Variants in DNM3 observed in about 807,000 individuals in gnomAD.
DNM3 encodes the protein dynamin-3.
A neutral mutation model predicts 101.6 loss-of-function variants in DNM3; 47 were observed. The ratio of observed to expected loss-of-function variants is 0.46; its 90% CI spans 0.37 to 0.59. The LOEUF is 0.59. DNM3 is among the 20% of genes least tolerant of loss of function. DNM3 has a pLI of 0.00. For synonymous variants in DNM3, 385 were observed against 387.9 expected (o/e 0.99, Z 0.09); for missense variants, 849 against 1,085.7 (o/e 0.78, Z 3.06).
intron 4 of DNM3, among the ~76,000 whole-genome samples, chr1:171,990,609 C>A (rs2125627325): frequency 6.6e-6 from 1 of 152,204 alleles, no homozygotes; most frequent in East Asian, 1.9e-4. Context: ...CCCTCTGGTT[C>A]AACCTCTTTT....
At chr1:171,915,308 T>C (rs781616372) in intron 1 of DNM3, among the ~76,000 whole-genome samples, 16 of 152,220 alleles carry the variant, frequency 1.1e-4, no homozygotes, top group Admixed American at 2.0e-4. Context: ...AATGATGTGA[T>C]AGAACTTACA....
At chr1:172,106,847 C>CTTTTTTTTTTTTTTTTTTCTTTTTT (rs2055064703) in intron 13 of DNM3, among the ~76,000 whole-genome samples, 1 of 67,958 alleles carries the variant, frequency 1.5e-5, no homozygotes, top group African/African-American at 6.3e-5. Flanking sequence ...TAACATTATT[C>CTTTTTTTTTTTTTTTTTTCTTTTTT]TTTTTTTTTT....
At chr1:172,026,425 G>A (rs1448816489) in intron 4 of DNM3, among the ~76,000 whole-genome samples, 1 of 152,048 alleles carries the variant, frequency 6.6e-6, no homozygotes, top group African/African-American at 2.4e-5. Context: ...TAGCAAGACA[G>A]GCCAACAGTC....
intron 1 of DNM3, among the ~76,000 whole-genome samples, chr1:171,867,730 A>G (rs2034896918): frequency 6.6e-6 from 1 of 152,228 alleles, no homozygotes. Context: ...TGAGTGTCAA[A>G]GAACATCCCC....
intron 17 of DNM3, among the ~76,000 whole-genome samples, chr1:172,323,862 T>A (rs1410983496): frequency 6.6e-6 from 1 of 152,116 alleles, no homozygotes; most frequent in Non-Finnish European, 1.5e-5. Flanking sequence ...GGGGTCAACA[T>A]TTCACTTGGC....
intron 14 of DNM3, chr1:172,132,913 C>A: frequency 8.2e-7 from 1 of 1,221,606 alleles, no homozygotes; most frequent in Middle Eastern, 1.9e-4. Context: ...GCGAGGATAA[C>A]CAACTTACCA....
At chr1:171,962,251 T>G (rs1333338680) in intron 2 of DNM3, among the ~76,000 whole-genome samples, 1 of 152,220 alleles carries the variant, frequency 6.6e-6, no homozygotes, top group Non-Finnish European at 1.5e-5. Context: ...AGGGATTAAG[T>G]GTCTAACACA....
At chr1:172,253,427 C>T (rs1435312301) in intron 14 of DNM3, 146 bp from the exon 15 acceptor site, 1 of 597,462 alleles carries the variant, frequency 1.7e-6, no homozygotes, top group Non-Finnish European at 2.9e-6. Context: ...AAGTGTTAGC[C>T]AACTCAGGTG....
At chr1:172,417,136 G>GT (rs1342870715), downstream of DNM3, among the ~76,000 whole-genome samples, 6 of 151,966 alleles carry the variant, frequency 3.9e-5, no homozygotes, top group Non-Finnish European at 8.8e-5. Context: ...AATAAGATGT[G>GT]TAACAAGAAT....
At chr1:172,196,041 G>T (rs899579027) in intron 14 of DNM3, among the ~76,000 whole-genome samples, 2 of 151,002 alleles carry the variant, frequency 1.3e-5, no homozygotes, top group South Asian at 2.1e-4. Flanking sequence ...TATCTTTTTT[G>T]CTCATCTCCC....
rs191468746 is a variant in DNM3, at chr1:172,306,991, C to G, written c.1770-1737C>G. ...GGCAAGGACTTCATGTCTAAAACAC[C>G]AAAAGCAACCACAACAAAAGCCAAA... On this transcript the variant is annotated intron_variant, in intron 15 of 20. Coordinates refer to ENST00000627582, the MANE Select transcript of DNM3 (RefSeq NM_015569.5). Among the ~76,000 whole-genome samples, 732 of 152,196 alleles carry G rather than the reference C, an allele frequency of 4.8e-3. 4 individuals are homozygous for G. Among genetic ancestry groups the G allele is most frequent in the African/African-American group, 0.017 (691 of 41,516 alleles).
intron 2 of DNM3, among the ~76,000 whole-genome samples, chr1:171,951,658 C>T: frequency 6.6e-6 from 1 of 152,132 alleles, no homozygotes; most frequent in East Asian, 1.9e-4. Flanking sequence ...TGTGTTCCCC[C>T]AACATCCTTA....
At chr1:171,960,814 A>G (rs1240733667) in intron 2 of DNM3, among the ~76,000 whole-genome samples, 2 of 152,166 alleles carry the variant, frequency 1.3e-5, no homozygotes, top group African/African-American at 2.4e-5. Context: ...CTGGAAGAAA[A>G]AAAGCAGGAT....
chr1:171,967,329 T>G lies in DNM3; in HGVS notation c.236-20327T>G, dbSNP rs536956868. ...GACCTGACTTCTTGTATTTCTACCA[T>G]TTTTTAGTTTGTGACTTTATAAAGA... On this transcript the variant is annotated intron_variant, in intron 2 of 20. Coordinates refer to ENST00000627582, the MANE Select transcript of DNM3 (RefSeq NM_015569.5). Among the ~76,000 whole-genome samples, 26 of 152,218 alleles carry G rather than the reference T, an allele frequency of 1.7e-4. No homozygotes were observed. The South Asian group carries it at 5.2e-3, about 30-fold the overall frequency.
chr1:172,289,162 A>T (rs1049258904), intron 15 of DNM3, among the ~76,000 whole-genome samples: 2 of 152,158 alleles, frequency 1.3e-5, no homozygotes, highest in African/African-American at 4.8e-5. Flanking sequence ...TTTCTTGGAG[A>T]TTTAAAATAT....
intron 13 of DNM3, among the ~76,000 whole-genome samples, 170 bp downstream of exon 13, chr1:172,093,045 CT>C (rs2054018258): frequency 6.6e-6 from 1 of 152,034 alleles, no homozygotes; most frequent in Admixed American, 6.6e-5. Context: ...AATTGCATTT[CT>C]TTTTGGCTAT....
At chr1:172,055,625 C>T (rs1291838475) in intron 10 of DNM3, among the ~76,000 whole-genome samples, 1 of 152,082 alleles carries the variant, frequency 6.6e-6, no homozygotes, top group Non-Finnish European at 1.5e-5. Context: ...TTTTCCACCC[C>T]TAAAACAGCC....
intron 17 of DNM3, among the ~76,000 whole-genome samples, chr1:172,371,982 G>A (rs922796519): frequency 1.4e-5 from 2 of 145,774 alleles, no homozygotes; most frequent in Non-Finnish European, 3.0e-5. Flanking sequence ...AGTTACATAC[G>A]TATACATGTG....
rs146611219 is a variant in DNM3, at chr1:172,185,629, G to A, written c.1659+54341G>A. Among the ~76,000 whole-genome samples, 822 of 152,176 alleles carry A rather than the reference G, an allele frequency of 5.4e-3. 8 individuals carry two copies. Among genetic ancestry groups the A allele is most frequent in the African/African-American group, 0.019 (773 of 41,538 alleles). On this transcript the variant is annotated intron_variant, in intron 14 of 20. Transcript: ENST00000627582. ...CTGGCCTAAACAGAAGATTTTTAAT[G>A]TGTTTGTGCACTTAGGAATCATTTT...
Sources: gnomAD v4.1 joint callset for allele counts (sites outside exome capture counted in the v4.1 genomes callset) on GRCh38, gnomAD v4.1.1 for gene constraint, MANE v1.5 for transcripts, NCBI Gene and HGNC (gene_info 2026-07-23, HGNC 2026-07-21) for gene names.